TRAPPC9: variants seen among roughly 807,000 people sequenced by gnomAD.
TRAPPC9 encodes the protein trafficking protein particle complex subunit 9.
A neutral mutation model predicts 124.0 loss-of-function variants in TRAPPC9; 83 were observed. That is an observed-to-expected ratio of 0.67 (90% CI 0.56 to 0.80). The LOEUF (loss-of-function observed/expected upper bound fraction) is 0.80. TRAPPC9 is among the 30% of genes least tolerant of loss of function. TRAPPC9 has a pLI of 0.00. For synonymous variants in TRAPPC9, 638 were observed against 617.5 expected (o/e 1.03, Z -0.49); for missense variants, 1,302 against 1,508.3 (o/e 0.86, Z 2.27).
At position 139,856,590 on chromosome 8, in the gene TRAPPC9, C is replaced by T. The variant is rs529682735; in HGVS notation, c.3055+29289G>A. ...GGTCAACAGCAAAGCAGCTGGACAG[C>T]GGCGGGGGGTGGCGTGCAAAATGGA... On this transcript the variant is annotated intron_variant, in intron 21 of 22. Coordinates refer to ENST00000438773, the MANE Select transcript of TRAPPC9 (RefSeq NM_001160372.4). 9.7e-4 allele frequency among the ~76,000 whole-genome samples: 147 copies of T among 152,238 alleles called. 3 individuals carry two copies. In the South Asian group the frequency reaches 0.029, roughly 30 times the overall value.
At chr8:140,045,689 G>C (rs1841552362) in intron 17 of TRAPPC9, among the ~76,000 whole-genome samples, 1 of 144,516 alleles carries the variant, frequency 6.9e-6, no homozygotes, top group African/African-American at 2.6e-5. Context: ...TCTGCTTGGA[G>C]AACACTATAC....
chr8:140,126,136 G>A (rs2061092715), intron 17 of TRAPPC9, among the ~76,000 whole-genome samples: 1 of 148,636 alleles, frequency 6.7e-6, no homozygotes. Context: ...TTCTTCCTTA[G>A]TAAAGTTGAT....
At chr8:140,090,376 G>A (rs961588003) in intron 17 of TRAPPC9, among the ~76,000 whole-genome samples, 1 of 152,156 alleles carries the variant, frequency 6.6e-6, no homozygotes, top group African/African-American at 2.4e-5. Flanking sequence ...CTCAGACCGA[G>A]GGCTGAGAGA....
At chr8:140,137,150 C>T (rs2061317673) in intron 17 of TRAPPC9, among the ~76,000 whole-genome samples, 1 of 152,082 alleles carries the variant, frequency 6.6e-6, no homozygotes. Context: ...CCCACCATGG[C>T]CTGACAATTT....
intron 21 of TRAPPC9, among the ~76,000 whole-genome samples, chr8:139,882,715 C>T (rs1829752164): frequency 6.6e-6 from 1 of 152,146 alleles, no homozygotes; most frequent in South Asian, 2.1e-4. Flanking sequence ...TGCATGGTAG[C>T]AGGGGCTGCA....
chr8:140,360,624 A>T (rs946831800), intron 8 of TRAPPC9, among the ~76,000 whole-genome samples: 8 of 140,822 alleles, frequency 5.7e-5, no homozygotes, highest in African/African-American at 2.1e-4. Context: ...GAAGAAAAGT[A>T]GATAGCTAAA....
intron 20 of TRAPPC9, among the ~76,000 whole-genome samples, chr8:139,890,092 A>G (rs1830240820): frequency 6.6e-6 from 1 of 152,246 alleles, no homozygotes; most frequent in Non-Finnish European, 1.5e-5. Context: ...GCACCCCTCA[A>G]GGAAGCAGCG....
At position 140,439,861 on chromosome 8, in the gene TRAPPC9, A is replaced by AT. The variant is rs60604899; in HGVS notation, c.585-665dup. Among the ~76,000 whole-genome samples, 21 of 151,416 alleles carry AT rather than the reference A, an allele frequency of 1.4e-4. No homozygotes were observed. In the East Asian group the frequency reaches 2.1e-3, roughly 15 times the overall value. ...AATGTTATATTTCTTAAGATAGATG[A>AT]TTTTTTTTTTAAAGAAAAACTGCAG... On this transcript the variant is annotated intron_variant, in intron 2 of 22. Transcript: ENST00000438773.
At chr8:140,123,329 T>C (rs1489489477) in intron 17 of TRAPPC9, among the ~76,000 whole-genome samples, 1 of 152,264 alleles carries the variant, frequency 6.6e-6, no homozygotes, top group East Asian at 1.9e-4. Context: ...GATCTGTTTT[T>C]AAGTGAAATT....
chr8:140,410,141 CAAAAAAAAAAAAAAAA>C (rs61149910), intron 5 of TRAPPC9, among the ~76,000 whole-genome samples: 1 of 70,218 alleles, frequency 1.4e-5, no homozygotes, highest in Admixed American at 1.9e-4. Context: ...ACCTTGTCTC[CAAAAAAAAAAAAAAAA>C]AAAAAAAAAA....
At chr8:140,436,177 C>T (rs1354748158) in intron 3 of TRAPPC9, among the ~76,000 whole-genome samples, 4 of 152,062 alleles carry the variant, frequency 2.6e-5, no homozygotes, top group African/African-American at 9.7e-5. Flanking sequence ...GAAACCCTGA[C>T]TCTACTAAAA....
At chr8:140,117,405 G>A (rs1461533786) in intron 17 of TRAPPC9, among the ~76,000 whole-genome samples, 2 of 152,160 alleles carry the variant, frequency 1.3e-5, no homozygotes, top group African/African-American at 2.4e-5. Context: ...CCAAGATCAA[G>A]GCTTTAGCAG....
intron 21 of TRAPPC9, among the ~76,000 whole-genome samples, chr8:139,884,778 G>C (rs539981264): frequency 1.3e-5 from 2 of 152,256 alleles, no homozygotes; most frequent in South Asian, 2.1e-4. Flanking sequence ...TGCCACTCAG[G>C]CTGGCTCAGA....
At chr8:140,300,663 G>A in intron 10 of TRAPPC9, 49 bp from the exon 11 acceptor site, 1 of 1,611,756 alleles carries the variant, frequency 6.2e-7, no homozygotes, top group African/African-American at 1.3e-5. Flanking sequence ...GGTTAGCGTG[G>A]TTTCAGGATA....
At chr8:140,209,238 G>C (rs1335359648) in intron 17 of TRAPPC9, among the ~76,000 whole-genome samples, 1 of 152,198 alleles carries the variant, frequency 6.6e-6, no homozygotes, top group Non-Finnish European at 1.5e-5. Context: ...TTTGTTTGCT[G>C]CTTGTCTCTT....
At chr8:140,079,269 CAG>C (rs1843678996) in intron 17 of TRAPPC9, among the ~76,000 whole-genome samples, 1 of 152,128 alleles carries the variant, frequency 6.6e-6, no homozygotes, top group Non-Finnish European at 1.5e-5. Context: ...TCTTTATTAG[CAG>C]AGTGAGAACA....
At chr8:140,167,850 A>T (rs1333419626) in intron 17 of TRAPPC9, among the ~76,000 whole-genome samples, 1 of 152,238 alleles carries the variant, frequency 6.6e-6, no homozygotes, top group Non-Finnish European at 1.5e-5. Context: ...CTCGATGATT[A>T]ACTGAAGGGA....
At chr8:139,838,583 C>T (rs140193685) in intron 21 of TRAPPC9, among the ~76,000 whole-genome samples, 3 of 152,140 alleles carry the variant, frequency 2.0e-5, no homozygotes, top group Non-Finnish European at 2.9e-5. Context: ...ACCACCCTGG[C>T]GGGTCTCCTT....
chr8:139,862,312 G>A (rs377685386), intron 21 of TRAPPC9, among the ~76,000 whole-genome samples: 2 of 152,370 alleles, frequency 1.3e-5, no homozygotes, highest in East Asian at 3.9e-4. Context: ...TTGTGAGCTT[G>A]TTTCTAGAGA....
Sources: allele counts gnomAD v4.1 joint callset (sites outside exome capture counted in the v4.1 genomes callset), GRCh38; gene constraint gnomAD v4.1.1; transcripts MANE v1.5; gene names NCBI Gene and HGNC (gene_info 2026-07-23, HGNC 2026-07-21).